Variants in MAPK9 observed in about 807,000 individuals in gnomAD.
MAPK9 encodes the protein Jun kinase.
A neutral mutation model predicts 57.1 loss-of-function variants in MAPK9; 30 were observed. The ratio of observed to expected loss-of-function variants is 0.53; its 90% CI spans 0.39 to 0.71. MAPK9 has a LOEUF of 0.71. Among genes scored for constraint, MAPK9 ranks in the 30% least tolerant of loss-of-function variants. The probability of loss-of-function intolerance (pLI) is 0.00; values close to 1 mark genes in which losing one functional copy is unlikely to be tolerated. For missense variants in MAPK9, 362 were observed against 521.0 expected, an observed-to-expected ratio of 0.69 and a Z score of 2.97; for synonymous variants, 155 against 177.0, an observed-to-expected ratio of 0.88 and a Z score of 0.99.
chr5:180,282,934 G>T (rs1396238194), intron 1 of MAPK9, among the ~76,000 whole-genome samples: 1 of 152,148 alleles, frequency 6.6e-6, no homozygotes, highest in Non-Finnish European at 1.5e-5. Flanking sequence ...AGGCACATTC[G>T]GAATGTGACA....
At chr5:180,263,641 C>T (rs1336369541) in intron 4 of MAPK9, among the ~76,000 whole-genome samples, 1 of 151,948 alleles carries the variant, frequency 6.6e-6, no homozygotes, top group African/African-American at 2.4e-5. Context: ...CACTGCTGTC[C>T]TGAGCGCTGT....
chr5:180,240,418 G>C (rs1757549480), intron 9 of MAPK9, among the ~76,000 whole-genome samples: 1 of 152,216 alleles, frequency 6.6e-6, no homozygotes, highest in African/African-American at 2.4e-5. Flanking sequence ...TGTTATAAAA[G>C]TCTGCTTATA....
chr5:180,282,370 A>G (rs1042067864), intron 1 of MAPK9, among the ~76,000 whole-genome samples: 1 of 152,238 alleles, frequency 6.6e-6, no homozygotes, highest in African/African-American at 2.4e-5. Context: ...TCTTGAAACA[A>G]CATGTACTTC....
intron 3 of MAPK9, among the ~76,000 whole-genome samples, chr5:180,266,316 CTT>C (rs760896507): frequency 1.2e-4 from 17 of 142,096 alleles, no homozygotes; most frequent in African/African-American, 1.5e-4. Context: ...TTCTCAGACA[CTT>C]TTTTTTTTTT....
Position 180,247,412 on chromosome 5 carries a change from CG to C in MAPK9, c.688+26del. On this transcript the variant is annotated intron_variant, in intron 7 of 11. Transcript: ENST00000452135. The surrounding 1 kb of genome is among the most constrained non-coding windows in gnomAD (Gnocchi z 4.5). ...TGCCTGAGGCATTAAGAAAGCATGG[CG>C]GGGCCAAGGTCGCGGGGAAGGATAC... The C allele has an allele frequency of 6.2e-7, 1 of 1,614,082 alleles. No individual in the cohort carries two copies. Among genetic ancestry groups the C allele is most frequent in the Non-Finnish European group, 8.5e-7 (1 of 1,180,000 alleles).
At chr5:180,244,734 G>A (rs1490845762) in intron 7 of MAPK9, among the ~76,000 whole-genome samples, 39 of 146,852 alleles carry the variant, frequency 2.7e-4, no homozygotes, top group African/African-American at 6.8e-4. Flanking sequence ...AGATCGCATC[G>A]CTGCCCTCCA....
At chr5:180,286,362 T>C (rs1762766474) in intron 1 of MAPK9, among the ~76,000 whole-genome samples, 1 of 151,008 alleles carries the variant, frequency 6.6e-6, no homozygotes, top group Non-Finnish European at 1.5e-5. Flanking sequence ...GCCAGGATGG[T>C]CTCGATCTCC....
intron 7 of MAPK9, among the ~76,000 whole-genome samples, chr5:180,244,548 G>A (rs1757920234): frequency 6.6e-6 from 1 of 152,094 alleles, no homozygotes; most frequent in South Asian, 2.1e-4. Context: ...GGCCGAGGCA[G>A]GTGGATCACA....
chr5:180,288,779 CATGAT>C (rs1158752473), intron 1 of MAPK9, among the ~76,000 whole-genome samples: 3 of 152,196 alleles, frequency 2.0e-5, no homozygotes, highest in Non-Finnish European at 2.9e-5. Context: ...AATGAAATGA[CATGAT>C]ATTTAGGATT....
chr5:180,251,944 C>T (rs779371292), intron 5 of MAPK9, among the ~76,000 whole-genome samples: 6 of 152,136 alleles, frequency 3.9e-5, no homozygotes, highest in South Asian at 2.1e-4. Context: ...CTGGCCTTGC[C>T]GGTCCTTCCC....
chr5:180,241,736 C>T (rs1347570307), intron 8 of MAPK9, among the ~76,000 whole-genome samples: 1 of 152,258 alleles, frequency 6.6e-6, no homozygotes, highest in Non-Finnish European at 1.5e-5. Context: ...GAGCACCAGG[C>T]AGCCTCAGAC....
At chr5:180,264,746 T>G (rs200904700) in intron 4 of MAPK9, 35 bp downstream of exon 4, 5 of 1,519,212 alleles carry the variant, frequency 3.3e-6, no homozygotes, top group Middle Eastern at 1.7e-4. Context: ...CATTCTTTGA[T>G]GTACAGTGCA....
At position 180,242,731 on chromosome 5, in the gene MAPK9, A is replaced by G; in HGVS notation, c.713T>C (p.Ile238Thr). 2.5e-6 allele frequency: 4 copies of G among 1,613,668 alleles called. No homozygotes were observed. The highest frequency in any genetic ancestry group is 3.4e-6 in the Non-Finnish European group (4 of 1,179,926). ...TGCTGATGGTGTTCCCAGCTGCTCAATAACTTTATTCCACTGATCAATATC... is the reference window on the plus strand; with the variant it reads ...TGCTGATGGTGTTCCCAGCTGCTCAGTAACTTTATTCCACTGATCAATATC... ...TDHIDQWNKV[I>T]EQLGTPSAEF... Residue 238 changes from isoleucine to threonine, a missense_variant, in exon 8 of 12, where the codon ATT becomes ACT. By Grantham distance (89) the Ile-to-Thr change is moderately conservative. Transcript: ENST00000452135.
chr5:180,234,356 G>GC lies in MAPK9; in HGVS notation c.*2027dup, dbSNP rs1561772141. On this transcript the variant is annotated 3_prime_UTR_variant, in exon 12 of 12. Coordinates refer to ENST00000452135, the MANE Select transcript of MAPK9 (RefSeq NM_002752.5). ...AGCTGGGGTGAGGTATTTCTGTGGA[G>GC]CCCTGTGGCCTGTCCTAGGCACGCT... is the stretch of plus-strand genomic sequence containing the variant. 6.6e-6 allele frequency: 1 copy of GC among 152,210 alleles called. No homozygotes were observed. The highest frequency in any genetic ancestry group is 1.5e-5 in the Non-Finnish European group (1 of 68,054). 9.4% of individuals were successfully genotyped at this position (152,210 alleles called of 1,614,324 possible). A position where few individuals can be genotyped will look rare whatever the true frequency, so the allele number is the denominator to read the frequency against.
In MAPK9 at chr5:180,266,337, G is replaced by T. The variant is rs1760545594; in HGVS notation, c.253-1498C>A. On this transcript the variant is annotated intron_variant, in intron 3 of 11. Transcript: ENST00000452135. ...GACACTTTTTTTTTTTTTTTGAGAT[G>T]GAGTTTCATTCTTGTCCCCCAGGCT... is the stretch of plus-strand genomic sequence containing the variant. 5.4e-5 allele frequency among the ~76,000 whole-genome samples: 8 copies of T among 147,070 alleles called. No individual in the cohort carries two copies. The South Asian group carries it at 1.1e-3, about 19-fold the overall frequency.
Position 180,247,277 on chromosome 5 carries a change from T to A in MAPK9, c.688+162A>T. On this transcript the variant is annotated intron_variant, in intron 7 of 11. Transcript: ENST00000452135. The surrounding 1 kb of genome is among the most constrained non-coding windows in gnomAD (Gnocchi z 4.5). ...AAATAAAGAATGAAATTGAACCACT[T>A]GGCTTGTGACACTAATTAACAAATA... 1 of 684,416 alleles carries A rather than the reference T, an allele frequency of 1.5e-6. No homozygotes were observed. Among genetic ancestry groups the A allele is most frequent in the East Asian group, 2.8e-5 (1 of 36,280 alleles). The allele number at this position is 684,416 out of a possible 1,614,324, so 42.4% of individuals were successfully genotyped here.
rs2127580993 is a variant in MAPK9, at chr5:180,247,117, T to G, written c.688+322A>C. The G allele has an allele frequency of 2.8e-6, 1 of 357,756 alleles. No homozygotes were observed. The highest frequency in any genetic ancestry group is 4.4e-5 in the Admixed American group (1 of 22,960). 22.2% of individuals were successfully genotyped at this position (357,756 alleles called of 1,614,324 possible). A position where few individuals can be genotyped will look rare whatever the true frequency, so the allele number is the denominator to read the frequency against. On this transcript the variant is annotated intron_variant, in intron 7 of 11. Coordinates refer to ENST00000452135, the MANE Select transcript of MAPK9 (RefSeq NM_002752.5). This position sits in a 1 kb window ranked among gnomAD's most constrained non-coding sequence, Gnocchi z 4.5. ...AACTAAATAATACAGTATTTTCATT[T>G]AAATATCAGAATATACTTATCAAAG...
intron 8 of MAPK9, 25 bp from the exon 9 acceptor site, chr5:180,241,180 T>C (rs1757621364): frequency 6.3e-7 from 1 of 1,598,188 alleles, no homozygotes; most frequent in African/African-American, 1.3e-5. Context: ...AATATTAAAT[T>C]AATGCTGTTA....
At chr5:180,282,710 G>T (rs1561848598) in intron 1 of MAPK9, among the ~76,000 whole-genome samples, 1 of 152,198 alleles carries the variant, frequency 6.6e-6, no homozygotes, top group Admixed American at 6.5e-5. Context: ...TTTACGGAGG[G>T]TGGCTGTTCC....
Sources: allele counts gnomAD v4.1 joint callset (sites outside exome capture counted in the v4.1 genomes callset), GRCh38; gene constraint gnomAD v4.1.1; non-coding constraint Gnocchi (gnomAD v3.1); transcripts MANE v1.5; gene names NCBI Gene and HGNC (gene_info 2026-07-23, HGNC 2026-07-21).